Variants in KHDRBS2 observed in about 807,000 individuals in gnomAD.
KHDRBS2 encodes KH RNA binding domain containing, signal transduction associated 2, also known as KH domain-containing, RNA-binding, signal transduction-associated protein 2.
In KHDRBS2, 26 loss-of-function variants were observed where a neutral mutation model predicts 44.3. That is an observed-to-expected ratio of 0.59 (90% CI 0.43 to 0.81). The LOEUF (loss-of-function observed/expected upper bound fraction) is 0.81. KHDRBS2 is among the 40% of genes least tolerant of loss of function. KHDRBS2 has a pLI of 0.00. For missense variants in KHDRBS2, 476 were observed against 433.1 expected (o/e 1.10, Z -0.88); for synonymous variants, 194 against 151.1 (o/e 1.28, Z -2.08).
the KHDRBS2 span, among the ~76,000 whole-genome samples, chr6:61,583,999 A>C: frequency 6.6e-6 from 1 of 151,582 alleles, no homozygotes; most frequent in Admixed American, 6.6e-5. Context: ...TTTAAATTTC[A>C]AGTTCAAATT....
chr6:62,056,499 A>G (rs1434329162), intron 2 of KHDRBS2, among the ~76,000 whole-genome samples: 1 of 152,008 alleles, frequency 6.6e-6, no homozygotes, highest in Admixed American at 6.6e-5. Flanking sequence ...AAGGTATTAT[A>G]AAGCAAAGGG....
intron 6 of KHDRBS2, among the ~76,000 whole-genome samples, chr6:61,886,414 A>G (rs1343166028): frequency 6.6e-6 from 1 of 152,024 alleles, no homozygotes; most frequent in Non-Finnish European, 1.5e-5. Context: ...TGTTATAACT[A>G]TTATCCTGGT....
rs143081731 is a variant in KHDRBS2, at chr6:61,823,625, GA to G, written c.810+71009del. Among the ~76,000 whole-genome samples the G allele has an allele frequency of 9.1e-3, 1,385 of 152,202 alleles. 10 individuals are homozygous for G. Among genetic ancestry groups the G allele is most frequent in the Middle Eastern group, 0.017 (5 of 294 alleles). ...TCATTTTATGATTATCCTCATCAGT[GA>G]GGTAATTGCTTCAAAATGGTTTTCC... On this transcript the variant is annotated intron_variant, in intron 6 of 8. Coordinates refer to ENST00000281156, the MANE Select transcript of KHDRBS2 (RefSeq NM_152688.4).
At chr6:61,848,563 GTATATATATATACATATATA>G (rs1794947547) in intron 6 of KHDRBS2, among the ~76,000 whole-genome samples, 5 of 22,182 alleles carry the variant, frequency 2.3e-4, no homozygotes, top group East Asian at 1.7e-3. Context: ...ATATATATAT[GTATATATATATACATATATA>G]TATATATATA....
the KHDRBS2 span, among the ~76,000 whole-genome samples, chr6:61,581,954 T>A: frequency 2.4e-4 from 36 of 151,872 alleles, no homozygotes; most frequent in Admixed American, 9.2e-4. Context: ...TAGACATAAG[T>A]AACAAGGGTG....
the KHDRBS2 span, among the ~76,000 whole-genome samples, chr6:61,670,331 G>T: frequency 8.6e-5 from 13 of 151,270 alleles, no homozygotes; most frequent in Non-Finnish European, 1.9e-4. Flanking sequence ...AGGTTATCAG[G>T]TGATAAAAGG....
intron 6 of KHDRBS2, among the ~76,000 whole-genome samples, chr6:61,872,837 T>C (rs1480767296): frequency 6.6e-6 from 1 of 152,064 alleles, no homozygotes; most frequent in African/African-American, 2.4e-5. Context: ...TATTGGCTTA[T>C]AGAAAGAAAA....
In KHDRBS2 at chr6:61,880,856, C is replaced by A. The variant is rs1353926999; in HGVS notation, c.810+13779G>T. Among the ~76,000 whole-genome samples the A allele has an allele frequency of 4.0e-5, 6 of 151,836 alleles. No homozygotes were observed. The South Asian group carries it at 6.2e-4, about 16-fold the overall frequency. On this transcript the variant is annotated intron_variant, in intron 6 of 8. Coordinates refer to ENST00000281156, the MANE Select transcript of KHDRBS2 (RefSeq NM_152688.4). ...AAGAATATTCTTACATGATTTCTAT[C>A]AATCCTGTTTCCAAAAAGAAACTAC...
the KHDRBS2 span, among the ~76,000 whole-genome samples, chr6:61,561,170 T>A: frequency 2.6e-5 from 4 of 152,156 alleles, no homozygotes; most frequent in Non-Finnish European, 5.9e-5. Context: ...CCTTACTTTC[T>A]TTCAAATAAA....
chr6:61,983,242 T>TCTTTTTC lies in KHDRBS2; in HGVS notation c.337-5031_337-5030insGAAAAAG, dbSNP rs1357374587. ...TTTCTTTCTTTCTTTCTTTCTTTTT[T>TCTTTTTC]TTTTTTTTTTTTTTTATAGTGACTA... On this transcript the variant is annotated intron_variant, in intron 3 of 8. Coordinates refer to ENST00000281156, the MANE Select transcript of KHDRBS2 (RefSeq NM_152688.4). Among the ~76,000 whole-genome samples the TCTTTTTC allele has an allele frequency of 8.7e-5, 12 of 137,446 alleles. 2 individuals are homozygous for TCTTTTTC. Among genetic ancestry groups the TCTTTTTC allele is most frequent in the Admixed American group, 7.3e-4 (10 of 13,754 alleles). 90.2% of individuals were successfully genotyped at this position (137,446 alleles called of 152,430 possible).
chr6:62,097,033 G>T (rs750222568), intron 2 of KHDRBS2, among the ~76,000 whole-genome samples: 23 of 150,714 alleles, frequency 1.5e-4, no homozygotes, highest in Admixed American at 7.3e-4. Context: ...CCATGTATTG[G>T]TATAGTTTCC....
At chr6:62,285,531 C>T (rs1390832983) in intron 1 of KHDRBS2, among the ~76,000 whole-genome samples, 2 of 152,222 alleles carry the variant, frequency 1.3e-5, no homozygotes, top group African/African-American at 4.8e-5. Context: ...AACTGCTTTC[C>T]CTTCCCTCTG....
rs1245373664 is a variant in KHDRBS2, at chr6:62,152,945, A to T, written c.219+24240T>A. Among the ~76,000 whole-genome samples, 7 of 152,222 alleles carry T rather than the reference A, an allele frequency of 4.6e-5. No homozygotes were observed. The East Asian group carries it at 5.8e-4, about 13-fold the overall frequency. Reference sequence around the variant, plus strand: ...TTAGATTCTATGAACACAGCAGGGTAAAGATACAGCATCCCGGATCCACCT... The same window carrying T: ...TTAGATTCTATGAACACAGCAGGGTTAAGATACAGCATCCCGGATCCACCT... On this transcript the variant is annotated intron_variant, in intron 2 of 8. Coordinates refer to ENST00000281156, the MANE Select transcript of KHDRBS2 (RefSeq NM_152688.4).
chr6:61,615,753 T>C, the KHDRBS2 span, among the ~76,000 whole-genome samples: 2 of 152,188 alleles, frequency 1.3e-5, no homozygotes, highest in African/African-American at 4.8e-5. Context: ...AAGTGGTAAG[T>C]ATATATATTG....
the KHDRBS2 span, among the ~76,000 whole-genome samples, chr6:61,661,978 C>T: frequency 6.6e-6 from 1 of 151,916 alleles, no homozygotes; most frequent in Non-Finnish European, 1.5e-5. Context: ...GGAGGCATCA[C>T]ACTACCTGAC....
the KHDRBS2 span, among the ~76,000 whole-genome samples, chr6:61,616,291 G>A: frequency 1.3e-5 from 2 of 152,028 alleles, no homozygotes; most frequent in East Asian, 1.9e-4. Flanking sequence ...GAAGACTAGG[G>A]CATATAATTA....
chr6:61,722,816 T>A (rs1035640171), intron 7 of KHDRBS2, among the ~76,000 whole-genome samples: 4 of 151,864 alleles, frequency 2.6e-5, no homozygotes, highest in African/African-American at 9.7e-5. Flanking sequence ...TTCACAACAT[T>A]CTCCTGCCTC....
chr6:62,113,978 C>A (rs949894853), intron 2 of KHDRBS2, among the ~76,000 whole-genome samples: 1 of 152,084 alleles, frequency 6.6e-6, no homozygotes, highest in Non-Finnish European at 1.5e-5. Context: ...AACTTACAAT[C>A]ATGGCAGAAG....
chr6:62,124,581 T>A (rs1584844400), intron 2 of KHDRBS2, among the ~76,000 whole-genome samples: 1 of 99,228 alleles, frequency 1.0e-5, no homozygotes, highest in African/African-American at 3.7e-5. Context: ...TTTTCTGAAC[T>A]ATACTACACA....
Sources: gnomAD v4.1 joint callset for allele counts (sites outside exome capture counted in the v4.1 genomes callset) on GRCh38, gnomAD v4.1.1 for gene constraint, MANE v1.5 for transcripts, NCBI Gene and HGNC (gene_info 2026-07-23, HGNC 2026-07-21) for gene names.